The following DCC variants were observed in gnomAD, a reference collection of about 807,000 sequenced individuals.
DCC encodes the protein netrin receptor DCC.
A neutral mutation model predicts 172.5 loss-of-function variants in DCC; 58 were observed. That is an observed-to-expected ratio of 0.34 (90% CI 0.27 to 0.42). DCC has a LOEUF of 0.42. Ranked by LOEUF, DCC falls within the 10% of genes least tolerant of loss-of-function variation. The pLI, the probability that DCC is intolerant of heterozygous loss-of-function variation, is 1.00. For missense variants in DCC, 1,740 were observed against 1,791.0 expected (o/e 0.97, Z 0.51); for synonymous variants, 709 against 644.5 (o/e 1.10, Z -1.52).
chr18:52,738,976 G>C (rs778325475), intron 1 of DCC, among the ~76,000 whole-genome samples: 1 of 151,350 alleles, frequency 6.6e-6, no homozygotes, highest in Non-Finnish European at 1.5e-5. Context: ...TTAAACTCCT[G>C]ATCTCAAATG....
intron 1 of DCC, among the ~76,000 whole-genome samples, chr18:52,573,767 T>G (rs1282523731): frequency 6.6e-6 from 1 of 152,162 alleles, no homozygotes; most frequent in Admixed American, 6.5e-5. Context: ...TTTAACTGGA[T>G]GAAGAAATTA....
chr18:53,397,405 G>A lies in DCC; in HGVS notation c.2786G>A (p.Ser929Asn). ...SVMVTKNRRS[S>N]TWSMTAHATT... is the part of the protein sequence containing the mutation. ...ATGGTAACAAAAAACAGAAGGTCCA[G>A]TACTTGGAGCATGACTGCACATGCC... The change falls in exon 18 of 29, where the codon AGT (serine) becomes AAT (asparagine). Residue 929 changes from serine (S) to asparagine (N), a missense_variant. Ser to Asn is a conservative substitution (Grantham distance 46, BLOSUM62 1). This residue lies in a region of DCC where 1,732 missense variants were observed against 1,767.4 expected (regional missense o/e 0.98). Coordinates refer to ENST00000442544, the MANE Select transcript of DCC (RefSeq NM_005215.4). 6.2e-7 allele frequency: 1 copy of A among 1,613,968 alleles called. No individual in the cohort carries two copies. The highest frequency in any genetic ancestry group is 8.5e-7 in the Non-Finnish European group (1 of 1,179,942).
At chr18:52,436,385 A>G (rs2144484781) in intron 1 of DCC, among the ~76,000 whole-genome samples, 1 of 152,276 alleles carries the variant, frequency 6.6e-6, no homozygotes, top group South Asian at 2.1e-4. Flanking sequence ...AGGGAACAAA[A>G]GGGCCCTTTA....
At chr18:53,042,633 C>G (rs1469923105) in intron 5 of DCC, among the ~76,000 whole-genome samples, 4 of 151,862 alleles carry the variant, frequency 2.6e-5, no homozygotes, top group Admixed American at 6.6e-5. Flanking sequence ...AAAACCCTCT[C>G]AAAAAGTGGG....
intron 14 of DCC, among the ~76,000 whole-genome samples, chr18:53,338,644 A>G (rs1333923988): frequency 6.6e-6 from 1 of 152,180 alleles, no homozygotes; most frequent in African/African-American, 2.4e-5. Flanking sequence ...AGTGTCCAGA[A>G]AAAAATATTT....
At chr18:53,062,732 T>C (rs2042513472) in intron 5 of DCC, among the ~76,000 whole-genome samples, 1 of 152,126 alleles carries the variant, frequency 6.6e-6, no homozygotes, top group Non-Finnish European at 1.5e-5. Flanking sequence ...TATAATACAG[T>C]ATAGTAATAC....
At chr18:52,595,382 C>T (rs1210872410) in intron 1 of DCC, among the ~76,000 whole-genome samples, 1 of 152,158 alleles carries the variant, frequency 6.6e-6, no homozygotes, top group African/African-American at 2.4e-5. Context: ...GTGGGTAACA[C>T]TCTGTTCCTC....
chr18:52,843,071 A>C (rs1010589824), intron 2 of DCC, among the ~76,000 whole-genome samples: 36 of 152,194 alleles, frequency 2.4e-4, no homozygotes, highest in African/African-American at 7.5e-4. Flanking sequence ...TTTGAGTTAT[A>C]AATGTTACAG....
chr18:52,929,662 A>C (rs1446577613), intron 5 of DCC, among the ~76,000 whole-genome samples: 1 of 152,130 alleles, frequency 6.6e-6, no homozygotes, highest in Non-Finnish European at 1.5e-5. Context: ...TGTTTATTCA[A>C]AGTGGTGTGC....
intron 7 of DCC, among the ~76,000 whole-genome samples, chr18:53,087,084 C>A (rs1218507210): frequency 1.3e-5 from 2 of 151,872 alleles, no homozygotes; most frequent in Admixed American, 6.6e-5. Context: ...GTCTTTATAG[C>A]AGCATGATTT....
intron 15 of DCC, among the ~76,000 whole-genome samples, chr18:53,345,677 G>A (rs768234590): frequency 3.3e-4 from 50 of 151,354 alleles, no homozygotes; most frequent in Non-Finnish European, 6.0e-4. Flanking sequence ...ACTTTTCTTC[G>A]TTTTGCTTTA....
chr18:53,189,189 G>A (rs913199677), intron 9 of DCC, among the ~76,000 whole-genome samples: 12 of 151,956 alleles, frequency 7.9e-5, no homozygotes, highest in African/African-American at 2.9e-4. Flanking sequence ...ATGTGTGTGT[G>A]TATATATGTG....
At chr18:53,106,066 T>C (rs1229794091) in intron 7 of DCC, among the ~76,000 whole-genome samples, 5 of 151,744 alleles carry the variant, frequency 3.3e-5, no homozygotes, top group Non-Finnish European at 7.4e-5. Flanking sequence ...GGCAGTTTCA[T>C]GGGTATATCA....
intron 9 of DCC, among the ~76,000 whole-genome samples, chr18:53,194,860 G>A (rs2055420796): frequency 6.6e-6 from 1 of 152,162 alleles, no homozygotes. Context: ...TCTACCCTTT[G>A]CATACATAAT....
intron 3 of DCC, among the ~76,000 whole-genome samples, chr18:52,907,797 G>C (rs557124914): frequency 2.6e-5 from 4 of 152,146 alleles, no homozygotes; most frequent in Admixed American, 2.6e-4. Flanking sequence ...ATCCGGCAGT[G>C]GCAAAGACTG....
At position 52,925,222 on chromosome 18, in the gene DCC, T is replaced by C. The variant is rs1379260948; in HGVS notation, c.849-12T>C. On this transcript the variant is annotated splice_polypyrimidine_tract_variant and intron_variant, in intron 4 of 28. Transcript: ENST00000442544. ...ATGTTAATTTACTCTGCACCTTCCC[T>C]ATGTCTTGCAGGTCTAAAAAGTATT... is the stretch of plus-strand genomic sequence containing the variant. 1 of 1,611,314 alleles carries C rather than the reference T, an allele frequency of 6.2e-7. No individual in the cohort carries two copies. Among genetic ancestry groups the C allele is most frequent in the South Asian group, 1.1e-5 (1 of 91,058 alleles).
intron 7 of DCC, among the ~76,000 whole-genome samples, chr18:53,151,013 G>A (rs1281747661): frequency 6.6e-6 from 1 of 152,220 alleles, no homozygotes; most frequent in African/African-American, 2.4e-5. Context: ...AAGCCAAGCT[G>A]AGTAGGGGGT....
intron 1 of DCC, among the ~76,000 whole-genome samples, chr18:52,417,161 G>C (rs945700307): frequency 5.9e-5 from 9 of 151,992 alleles, no homozygotes; most frequent in African/African-American, 2.2e-4. Flanking sequence ...TGAAATTCTG[G>C]GTTGAAAATT....
intron 2 of DCC, among the ~76,000 whole-genome samples, chr18:52,773,798 G>A (rs551184345): frequency 6.6e-6 from 1 of 152,090 alleles, no homozygotes; most frequent in Admixed American, 6.5e-5. Context: ...TAAAGTGCTG[G>A]GATTACAGGG....
Sources: allele counts gnomAD v4.1 joint callset (sites outside exome capture counted in the v4.1 genomes callset), GRCh38; gene constraint gnomAD v4.1.1; regional missense constraint gnomAD v4.1.1; transcripts MANE v1.5; gene names NCBI Gene and HGNC (gene_info 2026-07-23, HGNC 2026-07-21).